The following ACOT7 variants were observed in gnomAD, a reference collection of about 807,000 sequenced individuals.
ACOT7 encodes the protein cytosolic acyl coenzyme A thioester hydrolase.
A neutral mutation model predicts 40.2 loss-of-function variants in ACOT7; 12 were observed. The ratio of observed to expected loss-of-function variants is 0.30; its 90% confidence interval spans 0.19 to 0.48. The LOEUF is 0.48. Ranked by LOEUF, ACOT7 falls within the 20% of genes least tolerant of loss-of-function variation. ACOT7 has a pLI of 0.99. For missense variants in ACOT7, 395 were observed against 530.8 expected (o/e 0.74, Z 2.51); for synonymous variants, 228 against 219.5 (o/e 1.04, Z -0.34).
intron 8 of ACOT7, among the ~76,000 whole-genome samples, chr1:6,272,217 G>A (rs983295841): frequency 2.6e-5 from 4 of 152,242 alleles, no homozygotes; most frequent in African/African-American, 7.2e-5. Flanking sequence ...GACATAGCAG[G>A]GGCACAGGAG....
chr1:6,324,035 A>G (rs139752983), intron 5 of ACOT7, among the ~76,000 whole-genome samples: 1 of 152,122 alleles, frequency 6.6e-6, no homozygotes, highest in Non-Finnish European at 1.5e-5. Context: ...CCCCAGTGCC[A>G]AGCACATACG....
At chr1:6,300,097 T>C (rs17029366) in intron 6 of ACOT7, among the ~76,000 whole-genome samples, 2,248 of 152,298 alleles carry the variant, frequency 0.015, 60 homozygotes, top group African/African-American at 0.051. Context: ...AACTGGAGTA[T>C]GTGAGAAGTT....
intron 1 of ACOT7, among the ~76,000 whole-genome samples, chr1:6,364,846 CAAAAAAAAAAAA>C (rs770975001): frequency 1.9e-4 from 7 of 37,560 alleles, no homozygotes; most frequent in African/African-American, 2.8e-4. Context: ...GACTCCATCT[CAAAAAAAAAAAA>C]AAAAAAAAAA....
At position 6,264,701 on chromosome 1, in the gene ACOT7, G is replaced by C; in HGVS notation, c.1015-6C>G. ...TTCTCGTCCTCGGTCTCGGGCTGTG[G>C]ACCACACACAGAGACAGGCAGGTTA... On this transcript the variant is annotated splice_polypyrimidine_tract_variant and splice_region_variant and intron_variant, in intron 8 of 8. Coordinates refer to ENST00000361521, the MANE Select transcript of ACOT7 (RefSeq NM_007274.4). The C allele has an allele frequency of 1.2e-6, 2 of 1,612,820 alleles. No homozygotes were observed.
rs547503798 is a variant in ACOT7, at chr1:6,379,829, G to A, written c.143+13428C>T. 1.1e-4 allele frequency among the ~76,000 whole-genome samples: 17 copies of A among 151,590 alleles called. 1 individual carries two copies. The highest frequency in any genetic ancestry group is 5.9e-5 in the Non-Finnish European group (4 of 67,850). On this transcript the variant is annotated intron_variant, in intron 1 of 8. Coordinates refer to ENST00000361521, the MANE Select transcript of ACOT7 (RefSeq NM_007274.4). ...TAATCCCAGCAATTTGAGAGACTGAGGTGGGCATATCACTTGAGGTCAGGA... is the reference window on the plus strand; with the variant it reads ...TAATCCCAGCAATTTGAGAGACTGAAGTGGGCATATCACTTGAGGTCAGGA...
Position 6,275,252 on chromosome 1 carries a change from A to G in ACOT7, c.1014+5850T>C, listed in dbSNP as rs1639155006. ...AGCTGCCCTGGCTTCCTAACCAGAAAACAAACCTGCTGAGAATGGCCCCCG... is the reference window on the plus strand; with the variant it reads ...AGCTGCCCTGGCTTCCTAACCAGAAGACAAACCTGCTGAGAATGGCCCCCG... On this transcript the variant is annotated intron_variant, in intron 8 of 8. Transcript: ENST00000361521. This position sits in a 1 kb window ranked among gnomAD's most constrained non-coding sequence, Gnocchi z 5.6. 6.6e-6 allele frequency among the ~76,000 whole-genome samples: 1 copy of G among 152,132 alleles called. No homozygotes were observed. Among genetic ancestry groups the G allele is most frequent in the African/African-American group, 2.4e-5 (1 of 41,428 alleles).
intron 2 of ACOT7, 102 bp from the exon 3 acceptor site, chr1:6,339,691 T>C (rs1203651463): frequency 2.1e-6 from 3 of 1,415,152 alleles, no homozygotes; most frequent in Admixed American, 5.0e-5. Context: ...TTTGCTTTCA[T>C]TCCCCACTGT....
At chr1:6,322,347 T>C (rs1159209802) in intron 5 of ACOT7, among the ~76,000 whole-genome samples, 1 of 152,236 alleles carries the variant, frequency 6.6e-6, no homozygotes, top group Non-Finnish European at 1.5e-5. Context: ...CACCCTGGCA[T>C]GAGGGCAAGC....
chr1:6,340,793 T>C (rs1187093432), intron 2 of ACOT7, among the ~76,000 whole-genome samples: 2 of 152,028 alleles, frequency 1.3e-5, no homozygotes, highest in Non-Finnish European at 2.9e-5. Flanking sequence ...TCCAGAACTT[T>C]GGGAGGCCGA....
At chr1:6,369,392 G>C (rs1034763237) in intron 1 of ACOT7, among the ~76,000 whole-genome samples, 5 of 144,752 alleles carry the variant, frequency 3.5e-5, no homozygotes, top group African/African-American at 1.3e-4. Flanking sequence ...CCCACAAAAT[G>C]CATTTCTTTT....
intron 1 of ACOT7, among the ~76,000 whole-genome samples, chr1:6,354,616 T>C (rs1012347239): frequency 2.0e-5 from 3 of 151,452 alleles, no homozygotes; most frequent in African/African-American, 7.3e-5. Context: ...GCCTCTGCAC[T>C]GGCCTCTCAC....
chr1:6,382,328 C>T (rs1008879030), intron 1 of ACOT7, among the ~76,000 whole-genome samples: 3 of 151,344 alleles, frequency 2.0e-5, no homozygotes, highest in South Asian at 2.1e-4. Flanking sequence ...CGCTTGAATC[C>T]GGGAGGCGGA....
At position 6,327,291 on chromosome 1, in the gene ACOT7, GCTCTTAC is replaced by G; in HGVS notation, c.625+1_625+7del. 6.2e-7 allele frequency: 1 copy of G among 1,613,888 alleles called. No homozygotes were observed. Among genetic ancestry groups the G allele is most frequent in the South Asian group, 1.1e-5 (1 of 91,050 alleles). On this transcript the variant is annotated splice_donor_variant and splice_donor_5th_base_variant and intron_variant, in intron 5 of 8. Coordinates refer to ENST00000361521, the MANE Select transcript of ACOT7 (RefSeq NM_007274.4). LOFTEE classifies it high-confidence loss of function. The stretch of plus-strand genomic sequence containing the variant: ...GTGGCACCTGCTGCTGGTGTCCGCG[GCTCTTAC>G]CTGGGTTGAGGACTGGCTGGACGAT...
intron 8 of ACOT7, among the ~76,000 whole-genome samples, chr1:6,268,325 A>G (rs1638913430): frequency 6.6e-6 from 1 of 152,148 alleles, no homozygotes; most frequent in African/African-American, 2.4e-5. Flanking sequence ...AACGCATAAG[A>G]CTGGCCCTGA....
chr1:6,324,750 C>T (rs72633425), intron 5 of ACOT7, among the ~76,000 whole-genome samples: 1 of 152,224 alleles, frequency 6.6e-6, no homozygotes, highest in Non-Finnish European at 1.5e-5. Flanking sequence ...CTCTTCTTGT[C>T]TCTTGCAAGG....
In ACOT7 at chr1:6,393,758, AAAT is replaced by A. The variant is rs1212619929; in HGVS notation, c.-362_-360del. The A allele has an allele frequency of 1.2e-5, 2 of 164,038 alleles. No individual in the cohort carries two copies. Among genetic ancestry groups the A allele is most frequent in the Non-Finnish European group, 2.6e-5 (2 of 75,996 alleles). The allele number at this position is 164,038 out of a possible 1,614,324, so 10.2% of individuals were successfully genotyped here. Reference sequence around the variant, plus strand: ...GGGCCCTCACTCTCCGCGCGGCGGTAAATATTTGTGCTGGGCGTTCCCGGCCGC... The same window carrying A: ...GGGCCCTCACTCTCCGCGCGGCGGTAATTTGTGCTGGGCGTTCCCGGCCGC... On this transcript the variant is annotated 5_prime_UTR_variant, in exon 1 of 9. Coordinates refer to ENST00000361521, the MANE Select transcript of ACOT7 (RefSeq NM_007274.4).
chr1:6,264,646 T>C lies in ACOT7; in HGVS notation c.1064A>G (p.Tyr355Cys). Reference protein sequence around the residue: ...KKRFEEGKGRYLQMKAKRQGH... With the variant: ...KKRFEEGKGRCLQMKAKRQGH... ...CTGTCGCTTCGCCTTCATCTGCAGG[T>C]ACCGCCCTTTGCCTTCCTCAAAGCG... The change falls in exon 9 of 9, where the codon TAC (tyrosine) becomes TGC (cysteine). Residue 355 changes from tyrosine to cysteine, a missense_variant. Tyr to Cys is a radical substitution (Grantham distance 194). Around this residue, in one of 2 missense-constraint regions of ACOT7, gnomAD observed 309 missense variants for 470.3 expected, o/e 0.66. Transcript: ENST00000361521. 1 of 1,613,498 alleles carries C rather than the reference T, an allele frequency of 6.2e-7. No individual in the cohort carries two copies. Among genetic ancestry groups the C allele is most frequent in the East Asian group, 2.2e-5 (1 of 44,884 alleles).
intron 3 of ACOT7, among the ~76,000 whole-genome samples, chr1:6,339,147 C>T (rs773084673): frequency 2.0e-5 from 3 of 151,900 alleles, no homozygotes; most frequent in Non-Finnish European, 4.4e-5. Context: ...GAGCTGGCCA[C>T]GGGCAGCAGG....
intron 5 of ACOT7, among the ~76,000 whole-genome samples, chr1:6,324,135 G>C (rs1386388506): frequency 6.9e-6 from 1 of 145,084 alleles, no homozygotes; most frequent in Admixed American, 7.0e-5. Context: ...AGGAGACCAG[G>C]CTGGTCTCAG....
Sources: gnomAD v4.1 joint callset for allele counts (sites outside exome capture counted in the v4.1 genomes callset) on GRCh38, gnomAD v4.1.1 for gene constraint, gnomAD v4.1.1 regional missense constraint, Gnocchi (gnomAD v3.1) non-coding constraint, MANE v1.5 for transcripts, NCBI Gene and HGNC (gene_info 2026-07-23, HGNC 2026-07-21) for gene names.